TSHZ2: variants seen among roughly 807,000 people sequenced by gnomAD.
The protein encoded by TSHZ2 is teashirt zinc finger homeobox 2.
A neutral mutation model predicts 74.4 loss-of-function variants in TSHZ2; 21 were observed. The ratio of observed to expected loss-of-function variants is 0.28; its 90% CI spans 0.20 to 0.41. TSHZ2 has a LOEUF of 0.41. TSHZ2 is among the 10% of genes least tolerant of loss of function. The pLI is 1.00. For synonymous variants in TSHZ2, 540 were observed against 515.3 expected, an observed-to-expected ratio of 1.05 and a Z score of -0.65; for missense variants, 1,244 against 1,293.5, an observed-to-expected ratio of 0.96 and a Z score of 0.59.
In TSHZ2 at chr20:53,138,478, C is replaced by G. The variant is rs144024847; in HGVS notation, c.41-115021C>G. ...AAGGTCTGCCTATTCTCCCTCCACACAAGCTTTTCAACCAGGGCTTTTCTC... is the reference window on the plus strand; with the variant it reads ...AAGGTCTGCCTATTCTCCCTCCACAGAAGCTTTTCAACCAGGGCTTTTCTC... On this transcript the variant is annotated intron_variant, in intron 1 of 2. Transcript: ENST00000371497. 5.0e-4 allele frequency among the ~76,000 whole-genome samples: 76 copies of G among 152,128 alleles called. No individual in the cohort carries two copies. In the East Asian group the frequency reaches 0.013, roughly 26 times the overall value.
chr20:53,308,352 A>G (rs1245575516), intron 2 of TSHZ2, among the ~76,000 whole-genome samples: 1 of 152,166 alleles, frequency 6.6e-6, no homozygotes, highest in African/African-American at 2.4e-5. Context: ...CGGTCTGTGC[A>G]TAGGTGACAC....
In TSHZ2 at chr20:53,031,996, C is replaced by G. The variant is rs562971271; in HGVS notation, c.40+58663C>G. 2.6e-5 allele frequency among the ~76,000 whole-genome samples: 4 copies of G among 152,194 alleles called. No homozygotes were observed. The South Asian group carries it at 8.3e-4, about 31-fold the overall frequency. On this transcript the variant is annotated intron_variant, in intron 1 of 2. Transcript: ENST00000371497. ...GAGAAAGAAAGAAAGAAATTCAAAG[C>G]TTGAGTCTTTAAAATCTTTGCGTCT...
At chr20:53,360,566 G>A (rs1981011296) in intron 2 of TSHZ2, among the ~76,000 whole-genome samples, 1 of 152,146 alleles carries the variant, frequency 6.6e-6, no homozygotes, top group Non-Finnish European at 1.5e-5. Context: ...ATATTTCATG[G>A]TTCCAAGATG....
intron 2 of TSHZ2, among the ~76,000 whole-genome samples, chr20:53,367,474 G>T (rs1486431688): frequency 5.9e-5 from 9 of 152,066 alleles, no homozygotes; most frequent in African/African-American, 2.2e-4. Context: ...AGTCCAGATG[G>T]GGTTGACTTT....
At chr20:53,349,630 T>A (rs1344828435) in intron 2 of TSHZ2, among the ~76,000 whole-genome samples, 2 of 137,898 alleles carry the variant, frequency 1.5e-5, no homozygotes, top group Middle Eastern at 3.8e-3. Flanking sequence ...CCAGCCTGGG[T>A]GACAGAGTGA....
intron 2 of TSHZ2, among the ~76,000 whole-genome samples, chr20:53,310,641 T>C (rs1198949471): frequency 6.6e-6 from 1 of 152,098 alleles, no homozygotes; most frequent in Admixed American, 6.6e-5. Context: ...AGCTCTAGGA[T>C]TGAGGGCTCT....
chr20:53,134,853 C>T (rs1346654741), intron 1 of TSHZ2, among the ~76,000 whole-genome samples: 2 of 152,030 alleles, frequency 1.3e-5, no homozygotes, highest in South Asian at 2.1e-4. Context: ...CCACCCCATC[C>T]GAAAACCCAA....
rs549809417 is a variant in TSHZ2 at position 53,236,079 on chromosome 20, G to A, written c.41-17420G>A. Among the ~76,000 whole-genome samples, 3 of 152,284 alleles carry A rather than the reference G, an allele frequency of 2.0e-5. No homozygotes were observed. The South Asian group carries it at 6.2e-4, about 32-fold the overall frequency. ...CAAAGAAAGCAGTCAATTCATAAAA[G>A]TCAATCCTCTTAGCTCAGGTTAACC... On this transcript the variant is annotated intron_variant, in intron 1 of 2. Coordinates refer to ENST00000371497, the MANE Select transcript of TSHZ2 (RefSeq NM_173485.6).
chr20:53,164,912 C>T (rs1988031433), intron 1 of TSHZ2, among the ~76,000 whole-genome samples: 1 of 152,140 alleles, frequency 6.6e-6, no homozygotes, highest in Admixed American at 6.5e-5. Flanking sequence ...CTTAGAGGGA[C>T]CTAATATCAT....
At chr20:53,455,114 T>C (rs1336984842) in intron 2 of TSHZ2, 1 of 152,050 alleles carries the variant, frequency 6.6e-6, no homozygotes, top group Non-Finnish European at 1.5e-5. Flanking sequence ...CCTTTTTCTC[T>C]GGCAATACTT....
chr20:52,985,630 T>TG (rs1215829195), intron 1 of TSHZ2, among the ~76,000 whole-genome samples: 3 of 152,236 alleles, frequency 2.0e-5, no homozygotes, highest in Non-Finnish European at 4.4e-5. Context: ...TTATGGACTT[T>TG]GAAGGGCAGA....
intron 2 of TSHZ2, among the ~76,000 whole-genome samples, chr20:53,444,014 C>T: frequency 6.6e-6 from 1 of 152,102 alleles, no homozygotes; most frequent in East Asian, 1.9e-4. Context: ...AATCGTCTCT[C>T]TAGAGTTTAA....
At chr20:53,230,355 C>G (rs969827605) in intron 1 of TSHZ2, among the ~76,000 whole-genome samples, 2 of 152,136 alleles carry the variant, frequency 1.3e-5, no homozygotes, top group Non-Finnish European at 1.5e-5. Context: ...TATTTCTTCT[C>G]CTTTTCCCTC....
chr20:53,251,463 A>C (rs1990329813), intron 1 of TSHZ2, among the ~76,000 whole-genome samples: 1 of 152,224 alleles, frequency 6.6e-6, no homozygotes. Flanking sequence ...CGACAGGAAT[A>C]ATCTAATTCG....
chr20:53,446,999 T>G (rs576421315), intron 2 of TSHZ2, among the ~76,000 whole-genome samples: 1 of 152,288 alleles, frequency 6.6e-6, no homozygotes, highest in East Asian at 1.9e-4. Flanking sequence ...ACTTACACAT[T>G]TTTTTTCTTG....
chr20:52,976,511 C>T (rs1435836534), intron 1 of TSHZ2, among the ~76,000 whole-genome samples: 1 of 152,122 alleles, frequency 6.6e-6, no homozygotes, highest in Non-Finnish European at 1.5e-5. Context: ...AGCATTTTCC[C>T]CTTCTATGCA....
At chr20:53,421,976 C>T (rs541587271) in intron 2 of TSHZ2, among the ~76,000 whole-genome samples, 2 of 152,126 alleles carry the variant, frequency 1.3e-5, no homozygotes, top group South Asian at 2.1e-4. Flanking sequence ...CCACCGCACC[C>T]GGCCTATCTT....
rs142264993 is a variant in TSHZ2, at chr20:53,256,537, T to C, written c.3079T>C (p.Phe1027Leu). 1.3e-6 allele frequency: 2 copies of C among 1,598,404 alleles called. No individual in the cohort carries two copies. Among genetic ancestry groups the C allele is most frequent in the African/African-American group, 1.3e-5 (1 of 74,706 alleles). ...HSKSPEHHSQ[F>L]VTDVDEE ...CAAGTCACCCGAACACCATTCACAG[T>C]TTGTAACAGACGTGGATGAAGAATA... Residue 1027 changes from phenylalanine (F) to leucine (L), a missense_variant, in exon 2 of 3, where the codon TTT (phenylalanine) becomes CTT (leucine). Coordinates refer to ENST00000371497, the MANE Select transcript of TSHZ2 (RefSeq NM_173485.6). This position sits in a 1 kb window ranked among gnomAD's most constrained non-coding sequence, Gnocchi z 4.3.
chr20:53,208,204 A>G (rs963750622), intron 1 of TSHZ2, among the ~76,000 whole-genome samples: 2 of 152,204 alleles, frequency 1.3e-5, no homozygotes, highest in African/African-American at 4.8e-5. Context: ...TAATAAATAA[A>G]TAAATGCAAC....
Sources: allele counts gnomAD v4.1 joint callset (sites outside exome capture counted in the v4.1 genomes callset), GRCh38; gene constraint gnomAD v4.1.1; non-coding constraint Gnocchi (gnomAD v3.1); transcripts MANE v1.5; gene names NCBI Gene and HGNC (gene_info 2026-07-23, HGNC 2026-07-21).